EIF2D: variants seen among roughly 807,000 people sequenced by gnomAD.
EIF2D encodes hepatocellular carcinoma-associated antigen 56.
In EIF2D, 56 loss-of-function variants were observed where a neutral mutation model predicts 77.4. The observed-to-expected ratio is 0.72, with a 90% CI of 0.58 to 0.90. The LOEUF (loss-of-function observed/expected upper bound fraction) is 0.90. Among genes scored for constraint, EIF2D ranks in the 40% least tolerant of loss-of-function variants. The pLI is 0.00. For synonymous variants in EIF2D, 230 were observed against 271.0 expected (o/e 0.85, Z 1.49); for missense variants, 574 against 706.5 (o/e 0.81, Z 2.13).
In EIF2D at chr1:206,584,725, A is replaced by G. The variant is rs1162471364; in HGVS notation, c.139-3563T>C. On this transcript the variant is annotated intron_variant and NMD_transcript_variant, in intron 2 of 5. Transcript: ENST00000472709. This position sits in a 1 kb window ranked among gnomAD's most constrained non-coding sequence, Gnocchi z 4.9. Reference sequence around the variant, plus strand: ...AACCCAACCAGACCGTTCCCTTCCTACCTGTGTCCAAGCCCACCCACTAAA... The same window carrying G: ...AACCCAACCAGACCGTTCCCTTCCTGCCTGTGTCCAAGCCCACCCACTAAA... The G allele has an allele frequency of 5.0e-6, 8 of 1,608,030 alleles. No individual in the cohort carries two copies. Among genetic ancestry groups the G allele is most frequent in the Non-Finnish European group, 6.8e-6 (8 of 1,176,230 alleles).
chr1:206,612,150 TCCTGGGGTCCCTTC>T (rs1670527459), intron 1 of EIF2D, 123 bp downstream of exon 1: 1 of 1,164,084 alleles, frequency 8.6e-7, no homozygotes, highest in Admixed American at 1.9e-5. Flanking sequence ...CACCCTTGCC[TCCTGGGGTCCCTTC>T]CCTGGCATAC....
intron 11 of EIF2D, 152 bp downstream of exon 11, chr1:206,598,851 C>T (rs1669780603): frequency 1.2e-5 from 8 of 691,852 alleles, no homozygotes; most frequent in East Asian, 2.8e-5. Flanking sequence ...AACTGAGTGT[C>T]CACAGCCCAT....
At position 206,584,593 on chromosome 1, in the gene EIF2D, T is replaced by A; in HGVS notation, c.139-3431A>T. 6.2e-7 allele frequency: 1 copy of A among 1,614,218 alleles called. No homozygotes were observed. Among genetic ancestry groups the A allele is most frequent in the Non-Finnish European group, 8.5e-7 (1 of 1,180,042 alleles). Reference sequence around the variant, plus strand: ...ACATCAGCAGCACCACCACCGTCAGTGAGGTCATCCAGGGGCTGCTCAAGA... The same window carrying A: ...ACATCAGCAGCACCACCACCGTCAGAGAGGTCATCCAGGGGCTGCTCAAGA... On this transcript the variant is annotated intron_variant and NMD_transcript_variant, in intron 2 of 5. Transcript: ENST00000472709. The surrounding 1 kb of genome is among the most constrained non-coding windows in gnomAD (Gnocchi z 4.9).
In EIF2D at chr1:206,605,332, A is replaced by C. The variant is rs1670151009; in HGVS notation, c.530+68T>G. ...GCTAGGACCAAAACTCTCACTCCTG[A>C]ATCACAGGCCCCATCCTCTCCCCAG... is the stretch of plus-strand genomic sequence containing the variant. On this transcript the variant is annotated intron_variant, in intron 5 of 14. Coordinates refer to ENST00000271764, the MANE Select transcript of EIF2D (RefSeq NM_006893.3). 8.8e-6 allele frequency: 11 copies of C among 1,249,518 alleles called. No homozygotes were observed. In the South Asian group the frequency reaches 1.5e-4, roughly 17 times the overall value. The allele number at this position is 1,249,518 out of a possible 1,614,324, so 77.4% of individuals were successfully genotyped here.
chr1:206,583,792 C>T (rs145311516), intron 2 of EIF2D: 187 of 193,854 alleles, frequency 9.6e-4, no homozygotes, highest in African/African-American at 4.1e-3. Flanking sequence ...GGGCACCCAA[C>T]TTAGCACCCA....
At chr1:206,575,706 G>A (rs1333255709) in intron 4 of EIF2D, among the ~76,000 whole-genome samples, 2 of 152,122 alleles carry the variant, frequency 1.3e-5, no homozygotes, top group Non-Finnish European at 2.9e-5. Flanking sequence ...CCTGCGAAGG[G>A]GCCCTTAGAG....
intron 7 of EIF2D, chr1:206,600,870 G>T (rs918626145): frequency 2.6e-5 from 4 of 152,412 alleles, no homozygotes; most frequent in African/African-American, 4.8e-5. Context: ...TGGCAGCATC[G>T]AGCAGTTGCA....
chr1:206,582,590 C>T (rs782659903), intron 2 of EIF2D, among the ~76,000 whole-genome samples: 8 of 152,306 alleles, frequency 5.3e-5, no homozygotes, highest in East Asian at 1.9e-4. Context: ...TGCCCAGTAG[C>T]GGTTTATCTC....
chr1:206,607,253 T>A, intron 4 of EIF2D, among the ~76,000 whole-genome samples: 1 of 152,006 alleles, frequency 6.6e-6, no homozygotes. Flanking sequence ...AGTGAAAAAA[T>A]AACACATACA....
rs1447983948 is a variant in EIF2D, at chr1:206,591,861, C to T, written c.1685-16G>A. 4.3e-6 allele frequency: 7 copies of T among 1,613,946 alleles called. No individual in the cohort carries two copies. Among genetic ancestry groups the T allele is most frequent in the African/African-American group, 1.3e-5 (1 of 74,922 alleles). On this transcript the variant is annotated splice_polypyrimidine_tract_variant and intron_variant, in intron 14 of 14. Coordinates refer to ENST00000271764, the MANE Select transcript of EIF2D (RefSeq NM_006893.3). ...TGATACTCTTCTACAATCCAAAAAG[C>T]ACACACTCCTCAGCGGAGCATGACC... is the stretch of plus-strand genomic sequence containing the variant.
chr1:206,573,893 G>A (rs1668541961), intron 4 of EIF2D, among the ~76,000 whole-genome samples: 1 of 152,252 alleles, frequency 6.6e-6, no homozygotes, highest in Admixed American at 6.5e-5. Context: ...ACTTGATCAA[G>A]TTCACAGAAG....
chr1:206,603,018 TGA>T lies in EIF2D; in HGVS notation c.715_716del (p.Ser239ArgfsTer18), dbSNP rs1558537387. ...TGGTGCTGGTGTCTTCTGGGGCTTC[TGA>T]GAGAGACTTGTCTTCACGTGCCTGG... Reference protein sequence around the residue: ...VHQAREDKSLSEAPEDTSTRG... With the variant: ...VHQAREDKSLXEAPEDTSTRG... On this transcript the variant is annotated frameshift_variant, in exon 6 of 15. Coordinates refer to ENST00000271764, the MANE Select transcript of EIF2D (RefSeq NM_006893.3). LOFTEE classifies it high-confidence loss of function. 9.3e-6 allele frequency: 15 copies of T among 1,614,044 alleles called. No individual in the cohort carries two copies. The Admixed American group carries it at 2.5e-4, about 27-fold the overall frequency.
At chr1:206,583,449 C>A in intron 2 of EIF2D, 2 of 1,044,020 alleles carry the variant, frequency 1.9e-6, no homozygotes, top group South Asian at 1.3e-5. Flanking sequence ...CCTCTGCCCT[C>A]ACTCTGAATT....
intron 4 of EIF2D, among the ~76,000 whole-genome samples, 199 bp downstream of exon 4, chr1:206,608,037 C>T (rs1358307324): frequency 6.6e-6 from 1 of 152,070 alleles, no homozygotes; most frequent in Non-Finnish European, 1.5e-5. Context: ...GCAGCAACAG[C>T]AAACAGCAAA....
chr1:206,580,135 G>A (rs966335687), intron 4 of EIF2D, among the ~76,000 whole-genome samples: 15 of 152,216 alleles, frequency 9.9e-5, no homozygotes, highest in East Asian at 3.9e-4. Flanking sequence ...ACTTCCCCGC[G>A]TTTGTGGTGG....
rs56919535 is a variant in EIF2D at position 206,579,396 on chromosome 1, G to T, written c.*254+1296C>A. Among the ~76,000 whole-genome samples the T allele has an allele frequency of 5.4e-3, 824 of 152,288 alleles. 10 individuals carry two copies. Among genetic ancestry groups the T allele is most frequent in the African/African-American group, 0.019 (772 of 41,566 alleles). Reference sequence around the variant, plus strand: ...AACTGTCTGCTTGGTTTCTCGCTTTGTACCCGTGGACAGATCCTTAAGAAT... The same window carrying T: ...AACTGTCTGCTTGGTTTCTCGCTTTTTACCCGTGGACAGATCCTTAAGAAT... On this transcript the variant is annotated intron_variant and NMD_transcript_variant, in intron 4 of 5. Transcript: ENST00000472709. This position sits in a 1 kb window ranked among gnomAD's most constrained non-coding sequence, Gnocchi z 4.2.
chr1:206,597,604 G>A (rs1176770073), intron 11 of EIF2D, among the ~76,000 whole-genome samples: 10 of 151,914 alleles, frequency 6.6e-5, no homozygotes, highest in Non-Finnish European at 1.2e-4. Flanking sequence ...ATCACCTGAG[G>A]TCAAAAGTTC....
Position 206,599,484 on chromosome 1 carries a change from A to G in EIF2D, c.1181T>C (p.Leu394Pro). 1 of 1,613,962 alleles carries G rather than the reference A, an allele frequency of 6.2e-7. No homozygotes were observed. Among genetic ancestry groups the G allele is most frequent in the Non-Finnish European group, 8.5e-7 (1 of 1,179,930 alleles). ...TCACTTGTGGCCAGACTCCTGGAAG[A>G]GCAGGGTCATGCTGGCTGGGACACA... The part of the protein sequence containing the change: ...LYCVPASMTL[L>P]FQESGHKKGS... The change falls in exon 10 of 15, where the codon CTC becomes CCC. Residue 394 changes from leucine (L) to proline (P), a missense_variant. Transcript: ENST00000271764. The surrounding 1 kb of genome is among the most constrained non-coding windows in gnomAD (Gnocchi z 4.1).
At chr1:206,585,100 A>G in intron 2 of EIF2D, 1 of 1,044,988 alleles carries the variant, frequency 9.6e-7, no homozygotes, top group Non-Finnish European at 1.5e-6. Context: ...CCACCTCTGC[A>G]TTTCCAATCC....
Sources: gnomAD v4.1 joint callset for allele counts (sites outside exome capture counted in the v4.1 genomes callset) on GRCh38, gnomAD v4.1.1 for gene constraint, Gnocchi (gnomAD v3.1) non-coding constraint, MANE v1.5 for transcripts, NCBI Gene and HGNC (gene_info 2026-07-23, HGNC 2026-07-21) for gene names.